The following FHIT variants were observed in gnomAD, a reference collection of about 807,000 sequenced individuals.
The protein encoded by FHIT is bis(5'-adenosyl)-triphosphatase.
A neutral mutation model predicts 17.9 loss-of-function variants in FHIT; 19 were observed. The ratio of observed to expected loss-of-function variants is 1.06; its 90% CI spans 0.74 to 1.56. The LOEUF is 1.56. FHIT is among the 40% of genes most tolerant of loss of function. FHIT has a pLI of 0.00. For synonymous variants in FHIT, 81 were observed against 69.7 expected (o/e 1.16, Z -0.81); for missense variants, 248 against 189.2 (o/e 1.31, Z -1.82).
intron 3 of FHIT, among the ~76,000 whole-genome samples, chr3:61,021,743 C>T (rs1269732693): frequency 6.6e-6 from 1 of 152,010 alleles, no homozygotes; most frequent in Non-Finnish European, 1.5e-5. Context: ...TCCTGAATGA[C>T]TGCTGGTTAA....
intron 3 of FHIT, among the ~76,000 whole-genome samples, chr3:60,898,756 G>T (rs1705954755): frequency 6.6e-6 from 1 of 152,084 alleles, no homozygotes; most frequent in Admixed American, 6.5e-5. Flanking sequence ...CTTCCTAACA[G>T]CCCTTCACAT....
chr3:60,254,876 T>C (rs533000676), intron 5 of FHIT, among the ~76,000 whole-genome samples: 1 of 152,324 alleles, frequency 6.6e-6, no homozygotes, highest in Admixed American at 6.5e-5. Context: ...ATGTGACTTT[T>C]TGTTATTCTT....
chr3:59,870,186 C>T (rs995912212), intron 8 of FHIT, among the ~76,000 whole-genome samples: 7 of 152,144 alleles, frequency 4.6e-5, no homozygotes, highest in East Asian at 3.9e-4. Context: ...CCCTGCATCG[C>T]GAGCATCAGG....
At chr3:60,657,337 A>C (rs1178972413) in intron 4 of FHIT, among the ~76,000 whole-genome samples, 1 of 152,196 alleles carries the variant, frequency 6.6e-6, no homozygotes, top group East Asian at 1.9e-4. Flanking sequence ...TTAGCACCAC[A>C]GAGCGAAGAC....
chr3:60,140,536 G>A (rs866016212), intron 5 of FHIT, among the ~76,000 whole-genome samples: 1 of 151,580 alleles, frequency 6.6e-6, no homozygotes, highest in African/African-American at 2.4e-5. Flanking sequence ...AAGGCAACAT[G>A]GAGGAATCAG....
At chr3:60,264,824 C>A (rs781238452) in intron 5 of FHIT, among the ~76,000 whole-genome samples, 2 of 151,588 alleles carry the variant, frequency 1.3e-5, no homozygotes, top group South Asian at 2.1e-4. Flanking sequence ...TGATGAAATG[C>A]GACTTTCACC....
chr3:60,317,582 A>G (rs937350522), intron 5 of FHIT, among the ~76,000 whole-genome samples: 1 of 147,980 alleles, frequency 6.8e-6, no homozygotes, highest in Non-Finnish European at 1.5e-5. Flanking sequence ...ATAATTATAT[A>G]TATCATTATA....
At chr3:59,976,596 C>T (rs1018560271) in intron 7 of FHIT, among the ~76,000 whole-genome samples, 5 of 151,924 alleles carry the variant, frequency 3.3e-5, no homozygotes, top group Non-Finnish European at 7.4e-5. Flanking sequence ...TTAACATCTC[C>T]AGGCACACGC....
chr3:60,797,824 T>A (rs1701038152), intron 4 of FHIT, among the ~76,000 whole-genome samples: 1 of 151,968 alleles, frequency 6.6e-6, no homozygotes, highest in Admixed American at 6.6e-5. Context: ...TAAATGTTTT[T>A]TATTAGCTAA....
intron 3 of FHIT, among the ~76,000 whole-genome samples, chr3:61,026,231 T>A (rs1240915871): frequency 1.3e-5 from 2 of 152,120 alleles, no homozygotes; most frequent in Non-Finnish European, 2.9e-5. Flanking sequence ...AGCTTTGTAC[T>A]CTCTGTCTGC....
intron 5 of FHIT, among the ~76,000 whole-genome samples, chr3:60,190,586 T>C (rs1702356911): frequency 6.6e-6 from 1 of 151,476 alleles, no homozygotes; most frequent in Non-Finnish European, 1.5e-5. Context: ...GTGTCTCTAC[T>C]AAAAATACAA....
At chr3:59,930,176 G>A (rs1022411653) in intron 7 of FHIT, among the ~76,000 whole-genome samples, 3 of 152,130 alleles carry the variant, frequency 2.0e-5, no homozygotes, top group African/African-American at 4.8e-5. Flanking sequence ...CTCCTGGGGA[G>A]ACATCAATAC....
chr3:59,921,262 GT>G (rs1335333292), intron 8 of FHIT, among the ~76,000 whole-genome samples: 2 of 152,118 alleles, frequency 1.3e-5, no homozygotes, highest in Non-Finnish European at 2.9e-5. Flanking sequence ...TTGAGTTGCT[GT>G]TTTAATTTCA....
intron 5 of FHIT, among the ~76,000 whole-genome samples, chr3:60,530,450 C>T (rs1289349563): frequency 6.6e-6 from 1 of 152,178 alleles, no homozygotes; most frequent in East Asian, 1.9e-4. Context: ...CTACTTAATT[C>T]CTTCAGCATC....
intron 7 of FHIT, among the ~76,000 whole-genome samples, chr3:59,931,829 T>C (rs752468845): frequency 1.3e-5 from 2 of 152,090 alleles, no homozygotes; most frequent in Non-Finnish European, 2.9e-5. Context: ...GGGATGGTGA[T>C]CTCCTGATAT....
chr3:60,565,673 G>T (rs970648086), intron 4 of FHIT, among the ~76,000 whole-genome samples: 1 of 152,182 alleles, frequency 6.6e-6, no homozygotes, highest in South Asian at 2.1e-4. Context: ...TTGGCAATAA[G>T]AGACAGATTG....
intron 5 of FHIT, among the ~76,000 whole-genome samples, chr3:60,390,745 T>C (rs1316612515): frequency 1.3e-5 from 2 of 151,644 alleles, no homozygotes; most frequent in Non-Finnish European, 2.9e-5. Flanking sequence ...AAAAACAAAA[T>C]CTAATATTTA....
At chr3:60,861,342 C>G (rs1348337857) in intron 3 of FHIT, among the ~76,000 whole-genome samples, 4 of 137,174 alleles carry the variant, frequency 2.9e-5, no homozygotes, top group Non-Finnish European at 4.6e-5. Context: ...TAGCCTACTT[C>G]AGGGTTTCTC....
chr3:59,770,846 C>T (rs376835854), intron 8 of FHIT, among the ~76,000 whole-genome samples: 1 of 152,188 alleles, frequency 6.6e-6, no homozygotes, highest in Non-Finnish European at 1.5e-5. Flanking sequence ...CTCCCATGCT[C>T]AACCCTTGAC....
Sources: allele counts gnomAD v4.1 joint callset (sites outside exome capture counted in the v4.1 genomes callset), GRCh38; gene constraint gnomAD v4.1.1; transcripts MANE v1.5; gene names NCBI Gene and HGNC (gene_info 2026-07-23, HGNC 2026-07-21).